CCDC144A: variants seen among roughly 807,000 people sequenced by gnomAD.
CCDC144A encodes the protein coiled-coil domain-containing protein 144A.
In CCDC144A, 41 loss-of-function variants were observed where a neutral mutation model predicts 143.8. The ratio of observed to expected loss-of-function variants is 0.29; its 90% CI spans 0.22 to 0.37. The LOEUF (loss-of-function observed/expected upper bound fraction) is 0.37, where lower values mean the gene tolerates loss of function less well. Ranked by LOEUF, CCDC144A falls within the 10% of genes least tolerant of loss-of-function variation. The pLI is 1.00. For synonymous variants in CCDC144A, 242 were observed against 517.9 expected, an observed-to-expected ratio of 0.47 and a Z score of 7.23; for missense variants, 637 against 1,488.8, an observed-to-expected ratio of 0.43 and a Z score of 9.41.
At chr17:16,726,719 G>T (rs1913448871) in intron 8 of CCDC144A, among the ~76,000 whole-genome samples, 1 of 152,136 alleles carries the variant, frequency 6.6e-6, no homozygotes, top group South Asian at 2.1e-4. Context: ...TGTGCTGTTT[G>T]TTACTCTGCT....
the CCDC144A span, among the ~76,000 whole-genome samples, chr17:16,677,162 C>T: frequency 2.0e-5 from 3 of 152,106 alleles, no homozygotes; most frequent in African/African-American, 7.2e-5. Context: ...TCTCCTTCTG[C>T]ACCTTCGTCC....
intron 3 of CCDC144A, chr17:16,705,639 A>G: frequency 2.1e-6 from 1 of 479,914 alleles, no homozygotes; most frequent in South Asian, 2.1e-5. Flanking sequence ...TTATATTTAG[A>G]ATATAGGGAC....
At chr17:16,692,359 G>A (rs1274132663) in intron 1 of CCDC144A, among the ~76,000 whole-genome samples, 2 of 149,798 alleles carry the variant, frequency 1.3e-5, no homozygotes, top group Non-Finnish European at 3.0e-5. Flanking sequence ...ATATTTATAA[G>A]TAAATTTAGT....
chr17:16,746,203 G>A (rs1406057317), intron 12 of CCDC144A: 16 of 1,473,444 alleles, frequency 1.1e-5, no homozygotes, highest in Non-Finnish European at 1.5e-5. Flanking sequence ...CCCTTTTCTG[G>A]TTTCTTAAGA....
chr17:16,764,608 C>T (rs539783643), intron 15 of CCDC144A: 1 of 218,812 alleles, frequency 4.6e-6, no homozygotes, highest in Non-Finnish European at 9.0e-6. Flanking sequence ...GGTGTCCAAA[C>T]ACTAACCACC....
At chr17:16,753,428 G>GTTTTTTT in intron 12 of CCDC144A, among the ~76,000 whole-genome samples, 120 of 57,340 alleles carry the variant, frequency 2.1e-3, no homozygotes, top group East Asian at 4.2e-3. Flanking sequence ...GTGTTTTGTA[G>GTTTTTTT]TTTTTTTTTT....
intron 15 of CCDC144A, among the ~76,000 whole-genome samples, chr17:16,769,041 G>A (rs1172648359): frequency 1.3e-5 from 2 of 152,150 alleles, no homozygotes; most frequent in Non-Finnish European, 2.9e-5. Context: ...ACTAATGGGA[G>A]GATGTGGCTC....
At chr17:16,770,104 G>A (rs1342520018) in intron 15 of CCDC144A, among the ~76,000 whole-genome samples, 1 of 151,690 alleles carries the variant, frequency 6.6e-6, no homozygotes, top group Non-Finnish European at 1.5e-5. Context: ...GAGATTACAG[G>A]CGTGAGCCAC....
the CCDC144A span, among the ~76,000 whole-genome samples, chr17:16,677,814 GA>G: frequency 0.052 from 6,474 of 125,696 alleles, 223 homozygotes; most frequent in African/African-American, 0.11. Flanking sequence ...CTCAAAAAAA[GA>G]AAAAAAAAAA....
chr17:16,742,875 C>T (rs946872419), intron 12 of CCDC144A, among the ~76,000 whole-genome samples: 74 of 152,128 alleles, frequency 4.9e-4, no homozygotes, highest in Middle Eastern at 3.4e-3. Flanking sequence ...TTAGAAATGT[C>T]TATTTAAATT....
At chr17:16,675,781 C>T in the CCDC144A span, among the ~76,000 whole-genome samples, 1 of 152,124 alleles carries the variant, frequency 6.6e-6, no homozygotes, top group South Asian at 2.1e-4. Flanking sequence ...CTCGCTCTGT[C>T]GCCCAGGCTG....
At chr17:16,763,131 G>A (rs1380666294) in intron 14 of CCDC144A, among the ~76,000 whole-genome samples, 2 of 151,048 alleles carry the variant, frequency 1.3e-5, no homozygotes, top group African/African-American at 2.5e-5. Context: ...TAGGGTTGAA[G>A]GGAAGTATAA....
chr17:16,724,787 A>ATTTTTTTTTTTTTTTTTTTTTTTT (rs760344292), intron 8 of CCDC144A, among the ~76,000 whole-genome samples: 1 of 35,114 alleles, frequency 2.8e-5, no homozygotes, highest in Non-Finnish European at 5.2e-5. Context: ...GATTAACTGA[A>ATTTTTTTTTTTTTTTTTTTTTTTT]TTTTTTTTTT....
chr17:16,742,672 A>G (rs998179924), intron 12 of CCDC144A, among the ~76,000 whole-genome samples: 4 of 152,184 alleles, frequency 2.6e-5, no homozygotes, highest in Non-Finnish European at 2.9e-5. Context: ...ACGAGTGCAT[A>G]AGAGTTTTCT....
chr17:16,679,131 C>T, the CCDC144A span, among the ~76,000 whole-genome samples: 1 of 151,932 alleles, frequency 6.6e-6, no homozygotes, highest in Admixed American at 6.6e-5. Context: ...TCTTGAACTC[C>T]TGGCCTCAAG....
At position 16,711,145 on chromosome 17, in the gene CCDC144A, A is replaced by AAAAAAAC. The variant is rs1555531721; in HGVS notation, c.1579-528_1579-527insCAAAAAA. 1.6e-3 allele frequency among the ~76,000 whole-genome samples: 212 copies of AAAAAAAC among 133,492 alleles called. 10 individuals carry two copies. The highest frequency in any genetic ancestry group is 5.0e-3 in the African/African-American group (185 of 36,810). The allele number at this position is 133,492 out of a possible 152,430, so 87.6% of individuals were successfully genotyped here. A position where few individuals can be genotyped will look rare whatever the true frequency, so the allele number is the denominator to read the frequency against. On this transcript the variant is annotated intron_variant, in intron 5 of 16. Transcript: ENST00000399273. Reference sequence around the variant, plus strand: ...ATCCCAGGATTCAAATGAAAAAAAAAAAAAAAAAAAAAACAAAAGTTAGTG... The same window carrying AAAAAAAC: ...ATCCCAGGATTCAAATGAAAAAAAAAAAAAAACAAAAAAAAAAAAACAAAAGTTAGTG...
intron 8 of CCDC144A, among the ~76,000 whole-genome samples, chr17:16,723,147 T>C (rs1287463352): frequency 6.6e-6 from 1 of 151,980 alleles, no homozygotes; most frequent in Non-Finnish European, 1.5e-5. Flanking sequence ...GTTTTCTTTC[T>C]AGGAAGGCTT....
rs184785488 is a variant in CCDC144A at position 16,722,221 on chromosome 17, A to G, written c.1891+1563A>G. Among the ~76,000 whole-genome samples, 362 of 152,172 alleles carry G rather than the reference A, an allele frequency of 2.4e-3. 1 individual carries two copies. Among genetic ancestry groups the G allele is most frequent in the Middle Eastern group, 0.017 (5 of 294 alleles). ...GATCATATGGTTCTTTTAGTTTTTTAATGTGGTGAATACTTATATTTTACT... is the reference window on the plus strand; with the variant it reads ...GATCATATGGTTCTTTTAGTTTTTTGATGTGGTGAATACTTATATTTTACT... On this transcript the variant is annotated intron_variant, in intron 8 of 16. Transcript: ENST00000399273.
intron 6 of CCDC144A, among the ~76,000 whole-genome samples, chr17:16,717,197 C>T (rs1460330201): frequency 7.9e-5 from 12 of 151,184 alleles, no homozygotes; most frequent in Non-Finnish European, 2.9e-5. Context: ...TCTCTGCAAC[C>T]TCCAGCTCCT....
Sources: gnomAD v4.1 joint callset for allele counts (sites outside exome capture counted in the v4.1 genomes callset) on GRCh38, gnomAD v4.1.1 for gene constraint, MANE v1.5 for transcripts, NCBI Gene and HGNC (gene_info 2026-07-23, HGNC 2026-07-21) for gene names.